SVOPL: variants seen among roughly 807,000 people sequenced by gnomAD.
The protein encoded by SVOPL is putative transporter SVOPL.
In SVOPL, 60 loss-of-function variants were observed where a neutral mutation model predicts 61.0. That is an observed-to-expected ratio of 0.98 (90% confidence interval 0.80 to 1.22). SVOPL has a LOEUF of 1.22. Among genes scored for constraint, SVOPL ranks in the 50% most tolerant of loss-of-function variants. The pLI is 0.00. For synonymous variants in SVOPL, 279 were observed against 250.0 expected (o/e 1.12, Z -1.09); for missense variants, 662 against 643.9 (o/e 1.03, Z -0.30).
intron 3 of SVOPL, among the ~76,000 whole-genome samples, chr7:138,674,297 C>G (rs916506982): frequency 6.6e-6 from 1 of 151,846 alleles, no homozygotes; most frequent in African/African-American, 2.4e-5. Flanking sequence ...TTATATACAC[C>G]GTCACACGAG....
intron 6 of SVOPL, 140 bp downstream of exon 6, chr7:138,659,724 T>TA: frequency 1.1e-6 from 1 of 908,542 alleles, no homozygotes; most frequent in Non-Finnish European, 1.6e-6. Context: ...TTGGCAAAAA[T>TA]AAACTTTCTA....
At chr7:138,664,922 C>A (rs1802196631) in intron 4 of SVOPL, among the ~76,000 whole-genome samples, 1 of 81,060 alleles carries the variant, frequency 1.2e-5, no homozygotes, top group Admixed American at 1.2e-4. Flanking sequence ...CGCGCTCGAC[C>A]CTTCCTTACC....
rs1051789393 is a variant in SVOPL, at chr7:138,630,763, C to T, written c.790-641G>A. Among the ~76,000 whole-genome samples, 4 of 151,928 alleles carry T rather than the reference C, an allele frequency of 2.6e-5. No individual in the cohort carries two copies. In the South Asian group the frequency reaches 6.2e-4, roughly 24 times the overall value. On this transcript the variant is annotated intron_variant, in intron 9 of 15. Coordinates refer to ENST00000674285, the MANE Select transcript of SVOPL (RefSeq NM_001139456.2). ...CTTGAGACCAGCCTGACCAACATGG[C>T]GAAAGCCCGTCTCTACCAAAAATAC...
intron 7 of SVOPL, among the ~76,000 whole-genome samples, chr7:138,651,822 G>T (rs117915405): frequency 0.012 from 1,768 of 152,216 alleles, 22 homozygotes; most frequent in South Asian, 0.058. Flanking sequence ...TATGCCCTCA[G>T]ATACAACAGT....
At chr7:138,684,059 G>T (rs1244712175) in intron 1 of SVOPL, among the ~76,000 whole-genome samples, 2 of 150,792 alleles carry the variant, frequency 1.3e-5, no homozygotes, top group East Asian at 4.0e-4. Flanking sequence ...TCTCGGCAGG[G>T]GGGCAGGTGG....
chr7:138,629,121 T>TTA (rs796180145), intron 10 of SVOPL, among the ~76,000 whole-genome samples: 57 of 102,918 alleles, frequency 5.5e-4, no homozygotes, highest in African/African-American at 1.1e-3. Flanking sequence ...TAAGCATGTT[T>TTA]TATATATGTG....
chr7:138,631,662 A>G (rs1673166), intron 9 of SVOPL, among the ~76,000 whole-genome samples: 50,402 of 151,854 alleles, frequency 0.33, 10,677 homozygotes, highest in African/African-American at 0.6. Context: ...CCTGCCTCCC[A>G]GGTTCAAGCA....
chr7:138,612,447 T>TAAAAAAAAAAAA (rs59229265), intron 14 of SVOPL, among the ~76,000 whole-genome samples: 9 of 22,318 alleles, frequency 4.0e-4, no homozygotes, highest in African/African-American at 8.0e-4. Context: ...AAAAAAAAAA[T>TAAAAAAAAAAAA]AAAAAAAAAA....
chr7:138,677,865 C>A (rs759775253), intron 3 of SVOPL, among the ~76,000 whole-genome samples: 3 of 151,122 alleles, frequency 2.0e-5, no homozygotes, highest in Non-Finnish European at 4.4e-5. Context: ...TGGGTTCAAG[C>A]GATTCTCCTG....
intron 7 of SVOPL, among the ~76,000 whole-genome samples, chr7:138,649,893 A>G (rs1177909399): frequency 6.6e-6 from 1 of 151,920 alleles, no homozygotes; most frequent in Non-Finnish European, 1.5e-5. Context: ...GGGCAGTGGC[A>G]CAATCTCAGC....
chr7:138,662,379 G>A, intron 5 of SVOPL: 4 of 985,404 alleles, frequency 4.1e-6, no homozygotes, highest in South Asian at 4.7e-5. Context: ...GTGCCTGAGG[G>A]TGAGTTTTCT....
At chr7:138,655,639 AT>A (rs1801691234) in intron 7 of SVOPL, among the ~76,000 whole-genome samples, 3 of 60,708 alleles carry the variant, frequency 4.9e-5, no homozygotes, top group East Asian at 6.1e-4. Flanking sequence ...TATATATACT[AT>A]TATATATATA....
intron 12 of SVOPL, 140 bp downstream of exon 12, chr7:138,627,210 C>A: frequency 1.6e-6 from 1 of 608,904 alleles, no homozygotes; most frequent in Non-Finnish European, 2.9e-6. Flanking sequence ...ACAGGCAAGA[C>A]CATTCTAGTC....
intron 14 of SVOPL, among the ~76,000 whole-genome samples, chr7:138,602,106 G>T (rs1330565069): frequency 6.6e-6 from 1 of 152,068 alleles, no homozygotes; most frequent in East Asian, 1.9e-4. Flanking sequence ...ATATTCGAAG[G>T]CTGAGGTGGG....
intron 14 of SVOPL, 53 bp from the exon 15 acceptor site, chr7:138,596,583 C>T: frequency 6.3e-7 from 1 of 1,589,342 alleles, no homozygotes; most frequent in South Asian, 1.1e-5. Flanking sequence ...TACCTCTAAA[C>T]TGTTCTTTAT....
Position 138,622,176 on chromosome 7 carries a change from G to A in SVOPL, c.1264-1041C>T, listed in dbSNP as rs201650444. 5.1e-3 allele frequency among the ~76,000 whole-genome samples: 274 copies of A among 53,560 alleles called. 7 individuals carry two copies. The highest frequency in any genetic ancestry group is 0.019 in the East Asian group (7 of 368). The allele number at this position is 53,560 out of a possible 152,430, so 35.1% of individuals were successfully genotyped here. On this transcript the variant is annotated intron_variant, in intron 13 of 15. Coordinates refer to ENST00000674285, the MANE Select transcript of SVOPL (RefSeq NM_001139456.2). Reference sequence around the variant, plus strand: ...TATCTATCTGTCTATGTATCTATCTGTCTATGTATCTATCTATCTATCTAT... The same window carrying A: ...TATCTATCTGTCTATGTATCTATCTATCTATGTATCTATCTATCTATCTAT...
At position 138,687,706 on chromosome 7, in the gene SVOPL, A is replaced by C. The variant is rs182518970; in HGVS notation, c.-34-8627T>G. Among the ~76,000 whole-genome samples the C allele has an allele frequency of 5.7e-3, 857 of 150,956 alleles. 5 individuals are homozygous for C. The highest frequency in any genetic ancestry group is 9.5e-3 in the Non-Finnish European group (647 of 67,898). ...CTATCAAGAAGGTGAAAAAAAAAAAACAGAATGGGAGAGAGTATTTGCAAA... is the reference window on the plus strand; with the variant it reads ...CTATCAAGAAGGTGAAAAAAAAAAACCAGAATGGGAGAGAGTATTTGCAAA... On this transcript the variant is annotated intron_variant, in intron 1 of 15. Coordinates refer to ENST00000674285, the MANE Select transcript of SVOPL (RefSeq NM_001139456.2).
intron 14 of SVOPL, among the ~76,000 whole-genome samples, chr7:138,620,468 G>C (rs1232955896): frequency 7.7e-6 from 1 of 130,424 alleles, no homozygotes; most frequent in Non-Finnish European, 1.6e-5. Context: ...AAAAAAGACT[G>C]ACAAGTGCAA....
chr7:138,661,854 A>G (rs1167488387), intron 5 of SVOPL: 3 of 984,478 alleles, frequency 3.0e-6, no homozygotes, highest in Non-Finnish European at 3.6e-6. Flanking sequence ...TAAACTCCCT[A>G]CTTATATTAA....
Sources: gnomAD v4.1 joint callset for allele counts (sites outside exome capture counted in the v4.1 genomes callset) on GRCh38, gnomAD v4.1.1 for gene constraint, MANE v1.5 for transcripts, NCBI Gene and HGNC (gene_info 2026-07-23, HGNC 2026-07-21) for gene names.